Variants in RBFOX1 observed in about 807,000 individuals in gnomAD.
The protein encoded by RBFOX1 is RNA binding protein fox-1 homolog 1.
RBFOX1 carries 8 observed loss-of-function variants against 57.7 expected under a neutral mutation model. The ratio of observed to expected loss-of-function variants is 0.14; its 90% CI spans 0.08 to 0.25. The LOEUF is 0.25. RBFOX1 is among the 10% of genes least tolerant of loss of function. The pLI is 1.00. For missense variants in RBFOX1, 611 were observed against 548.5 expected (o/e 1.11, Z -1.14); for synonymous variants, 326 against 222.4 (o/e 1.47, Z -4.15).
intron 4 of RBFOX1, among the ~76,000 whole-genome samples, chr16:5,912,011 C>A (rs2058613063): frequency 6.6e-6 from 1 of 152,120 alleles, no homozygotes; most frequent in African/African-American, 2.4e-5. Context: ...CAAAGGAGAA[C>A]CTCTAAAATA....
chr16:7,379,486 G>C (rs1277784098), intron 4 of RBFOX1, among the ~76,000 whole-genome samples: 1 of 152,192 alleles, frequency 6.6e-6, no homozygotes, highest in African/African-American at 2.4e-5. Context: ...CTGCCATTAT[G>C]ACTGTGGATA....
intron 3 of RBFOX1, among the ~76,000 whole-genome samples, chr16:6,927,417 A>AAAAAAAAT (rs2075795158): frequency 6.8e-6 from 1 of 147,878 alleles, no homozygotes; most frequent in African/African-American, 2.5e-5. Flanking sequence ...TTTCTCACAA[A>AAAAAAAAT]AAAAAAAAAA....
At chr16:7,256,495 T>C (rs2094690162) in intron 4 of RBFOX1, among the ~76,000 whole-genome samples, 1 of 152,184 alleles carries the variant, frequency 6.6e-6, no homozygotes, top group African/African-American at 2.4e-5. Flanking sequence ...AGACCTTTTT[T>C]CCCTTCCTAA....
At chr16:6,762,999 A>G (rs908777320) in intron 3 of RBFOX1, among the ~76,000 whole-genome samples, 25 of 150,466 alleles carry the variant, frequency 1.7e-4, no homozygotes, top group African/African-American at 5.9e-4. Flanking sequence ...GCCCAGTGCA[A>G]ATAGGAACAT....
intron 4 of RBFOX1, among the ~76,000 whole-genome samples, chr16:7,062,039 C>T (rs547903535): frequency 7.8e-4 from 119 of 152,050 alleles, no homozygotes; most frequent in South Asian, 1.7e-3. Context: ...GCAACGAGGC[C>T]GGGTGTGGTG....
intron 4 of RBFOX1, among the ~76,000 whole-genome samples, chr16:7,277,413 A>G (rs189099666): frequency 2.0e-4 from 31 of 152,304 alleles, no homozygotes; most frequent in African/African-American, 6.5e-4. Flanking sequence ...TCCAGCTGGA[A>G]TGTTGTACAT....
chr16:6,639,398 G>A (rs1474217152), intron 2 of RBFOX1, among the ~76,000 whole-genome samples: 1 of 152,160 alleles, frequency 6.6e-6, no homozygotes, highest in East Asian at 1.9e-4. Flanking sequence ...CCCTTCCCAG[G>A]AGAACGTGTC....
chr16:7,489,088 G>A (rs554755190), intron 4 of RBFOX1, among the ~76,000 whole-genome samples: 3 of 152,066 alleles, frequency 2.0e-5, no homozygotes, highest in Non-Finnish European at 2.9e-5. Context: ...CCATGTCTGT[G>A]TCTGGCTTTG....
intron 1 of RBFOX1, among the ~76,000 whole-genome samples, chr16:5,381,862 G>A (rs1227829094): frequency 6.6e-6 from 1 of 152,196 alleles, no homozygotes; most frequent in Non-Finnish European, 1.5e-5. Context: ...AAAACAGGCT[G>A]GCTAACTCCA....
chr16:5,866,520 G>C (rs1371312976), intron 3 of RBFOX1, among the ~76,000 whole-genome samples: 2 of 152,162 alleles, frequency 1.3e-5, no homozygotes, highest in Non-Finnish European at 1.5e-5. Context: ...TTATCACACA[G>C]AGAAAAAGAT....
intron 3 of RBFOX1, among the ~76,000 whole-genome samples, chr16:5,815,026 C>G (rs1275432078): frequency 6.6e-6 from 1 of 151,810 alleles, no homozygotes; most frequent in Non-Finnish European, 1.5e-5. Context: ...CTCTGTTACC[C>G]AGGCTGAAGT....
At chr16:6,896,401 C>G (rs149589420) in intron 3 of RBFOX1, among the ~76,000 whole-genome samples, 65 of 152,088 alleles carry the variant, frequency 4.3e-4, no homozygotes, top group African/African-American at 1.4e-3. Flanking sequence ...TTTCTTTAAA[C>G]TCATCAACCA....
chr16:5,955,601 G>C (rs2059622072), intron 4 of RBFOX1, among the ~76,000 whole-genome samples: 1 of 152,010 alleles, frequency 6.6e-6, no homozygotes, highest in South Asian at 2.1e-4. Flanking sequence ...TCACCTCTTT[G>C]GTAGCAGTTT....
intron 4 of RBFOX1, among the ~76,000 whole-genome samples, chr16:5,921,595 G>T (rs1256497072): frequency 1.3e-5 from 2 of 152,160 alleles, no homozygotes; most frequent in African/African-American, 4.8e-5. Context: ...TGAAGGGGAT[G>T]AGAAATAGGA....
intron 2 of RBFOX1, among the ~76,000 whole-genome samples, chr16:6,317,456 C>T (rs779519488): frequency 6.6e-5 from 10 of 151,842 alleles, no homozygotes; most frequent in South Asian, 4.2e-4. Context: ...GATCAGTTAC[C>T]GAGAGCATGT....
intron 3 of RBFOX1, among the ~76,000 whole-genome samples, chr16:6,815,710 T>C (rs1248013105): frequency 6.6e-6 from 1 of 152,140 alleles, no homozygotes; most frequent in Non-Finnish European, 1.5e-5. Flanking sequence ...AACACACACT[T>C]AACCATTACC....
intron 1 of RBFOX1, among the ~76,000 whole-genome samples, chr16:5,329,123 A>G (rs1451133608): frequency 1.3e-5 from 2 of 152,216 alleles, no homozygotes; most frequent in East Asian, 3.8e-4. Context: ...ATTTCCATTT[A>G]TAAATGGAAA....
At chr16:6,122,984 T>G (rs1449141130) in intron 1 of RBFOX1, among the ~76,000 whole-genome samples, 1 of 151,560 alleles carries the variant, frequency 6.6e-6, no homozygotes, top group Non-Finnish European at 1.5e-5. Flanking sequence ...ATTGGAAATA[T>G]GTAAACTGCT....
intron 2 of RBFOX1, among the ~76,000 whole-genome samples, chr16:6,636,563 TTTCTC>T (rs961474066): frequency 1.1e-4 from 16 of 151,928 alleles, no homozygotes; most frequent in African/African-American, 2.9e-4. Flanking sequence ...TATCAGAAGA[TTTCTC>T]TTTTATTTGG....
Sources: gnomAD v4.1 joint callset for allele counts (sites outside exome capture counted in the v4.1 genomes callset) on GRCh38, gnomAD v4.1.1 for gene constraint, MANE v1.5 for transcripts, NCBI Gene and HGNC (gene_info 2026-07-23, HGNC 2026-07-21) for gene names.